TUFM: variants seen among roughly 807,000 people sequenced by gnomAD.
TUFM encodes elongation factor Tu, mitochondrial.
TUFM carries 23 observed loss-of-function variants against 45.0 expected under a neutral mutation model. The ratio of observed to expected loss-of-function variants is 0.51; its 90% CI spans 0.37 to 0.72. The LOEUF is 0.72. Ranked by LOEUF, TUFM falls within the 30% of genes least tolerant of loss-of-function variation. The pLI, the probability that TUFM is intolerant of heterozygous loss-of-function variation, is 0.00. For synonymous variants in TUFM, 243 were observed against 252.9 expected (o/e 0.96, Z 0.37); for missense variants, 490 against 610.7 (o/e 0.80, Z 2.08).
intron 1 of TUFM, 40 bp downstream of exon 1, chr16:28,846,178 A>G (rs751396410): frequency 1.9e-6 from 3 of 1,596,046 alleles, no homozygotes; most frequent in Non-Finnish European, 2.6e-6. Context: ...CACTCCCCCA[A>G]AGTGTTCCTG....
rs879340976 is a variant in TUFM, at chr16:28,843,681, C to A, written c.1194+55G>T. On this transcript the variant is annotated intron_variant, in intron 9 of 9. Transcript: ENST00000313511. ...TGTATCTTTGGAACTATGAGTGAAG[C>A]AAAGGTAATATAAAAAGTCCCCCCT... 1.9e-6 allele frequency: 3 copies of A among 1,609,540 alleles called. No homozygotes were observed. The African/African-American group carries it at 4.0e-5, about 22-fold the overall frequency.
rs761834515 is a variant in TUFM, at chr16:28,844,116, G to A, written c.923-15C>T. The A allele has an allele frequency of 1.9e-6, 3 of 1,614,194 alleles. No homozygotes were observed. Among genetic ancestry groups the A allele is most frequent in the East Asian group, 4.5e-5 (2 of 44,876 alleles). On this transcript the variant is annotated splice_polypyrimidine_tract_variant and intron_variant, in intron 7 of 9. Coordinates refer to ENST00000313511, the MANE Select transcript of TUFM (RefSeq NM_003321.5). The surrounding 1 kb of genome is among the most constrained non-coding windows in gnomAD (Gnocchi z 5.8). Reference sequence around the variant, plus strand: ...CATCTCAATGCCTAGGACGGAAAGGGAAAAGGAGCAGGGAGAAGGAAGGCG... The same window carrying A: ...CATCTCAATGCCTAGGACGGAAAGGAAAAAGGAGCAGGGAGAAGGAAGGCG...
chr16:28,846,326 A>G lies in TUFM; in HGVS notation c.-57T>C. The G allele has an allele frequency of 6.6e-7, 1 of 1,526,662 alleles. No individual in the cohort carries two copies. The highest frequency in any genetic ancestry group is 8.8e-7 in the Non-Finnish European group (1 of 1,130,392). The allele number at this position is 1,526,662 out of a possible 1,614,324, so 94.6% of individuals were successfully genotyped here. A position where few individuals can be genotyped will look rare whatever the true frequency, so the allele number is the denominator to read the frequency against. On this transcript the variant is annotated 5_prime_UTR_variant, in exon 1 of 10. Transcript: ENST00000313511. ...CAGGAGCCCGAGCGCACAGAAGAAG[A>G]AGGGCGCCTGCGGCTGGAAGGCACT...
In TUFM at chr16:28,846,290, G is replaced by A; in HGVS notation, c.-21C>T. The A allele has an allele frequency of 2.6e-6, 4 of 1,550,466 alleles. No individual in the cohort carries two copies. The highest frequency in any genetic ancestry group is 3.5e-6 in the Non-Finnish European group (4 of 1,145,870). On this transcript the variant is annotated 5_prime_UTR_variant, in exon 1 of 10. Transcript: ENST00000313511. ...GTCATACTCGCGCCCCGGTAACCGG[G>A]GAGCCGGGACCAGGAGCCCGAGCGC...
rs760192672 is a variant in TUFM, at chr16:28,845,267, C to A, written c.414+47G>T. 2.5e-6 allele frequency: 4 copies of A among 1,613,452 alleles called. No homozygotes were observed. In the East Asian group the frequency reaches 6.7e-5, roughly 27 times the overall value. ...CCCACAAGCCTAACATTTATCCTGACAAGAGGCAGCTTCTGGCCCTGTCTC... is the reference window on the plus strand; with the variant it reads ...CCCACAAGCCTAACATTTATCCTGAAAAGAGGCAGCTTCTGGCCCTGTCTC... On this transcript the variant is annotated intron_variant, in intron 3 of 9. Transcript: ENST00000313511.
Position 28,843,803 on chromosome 16 carries a change from T to C in TUFM, c.1127A>G (p.His376Arg). 6.2e-7 allele frequency: 1 copy of C among 1,614,030 alleles called. No individual in the cohort carries two copies. Among genetic ancestry groups the C allele is most frequent in the Non-Finnish European group, 8.5e-7 (1 of 1,180,012 alleles). ...CAGGGAGAACATGACAGGCATGAAG[T>C]GGGACACAAAGGGCTTGTGGCGGCC... ...EGGRHKPFVS[H>R]FMPVMFSLTW... The change falls in exon 9 of 10, where the codon CAC becomes CGC. Residue 376 changes from histidine (H) to arginine (R), a missense_variant. By Grantham distance (29) the His-to-Arg change is conservative. Transcript: ENST00000313511.
Position 28,844,474 on chromosome 16 carries a change from G to T in TUFM, c.762C>A (p.Ala254=). ...GCAGGAAAGGCTTCTCCAGGTCCCGGGCGGGCACTGGGATGTAAGTGTCCA... is the reference window on the plus strand; with the variant it reads ...GCAGGAAAGGCTTCTCCAGGTCCCGTGCGGGCACTGGGATGTAAGTGTCCA... The part of the protein sequence containing the change: ...DAVDTYIPVP[A]RDLEKPFLLP... Residue 254 remains alanine (A), a synonymous_variant, in exon 6 of 10, where the codon GCC becomes GCA. Transcript: ENST00000313511. The surrounding 1 kb of genome is among the most constrained non-coding windows in gnomAD (Gnocchi z 5.8). 1 of 1,614,152 alleles carries T rather than the reference G, an allele frequency of 6.2e-7. No homozygotes were observed. The highest frequency in any genetic ancestry group is 1.7e-5 in the Admixed American group (1 of 60,018).
chr16:28,844,822 T>G lies in TUFM; in HGVS notation c.560A>C (p.Asp187Ala). The change falls in exon 5 of 10, where the codon GAC (aspartate) becomes GCC (alanine). Residue 187 changes from aspartate to alanine, a missense_variant. Asp to Ala is a moderately radical substitution (Grantham distance 126). Transcript: ENST00000313511. This position sits in a 1 kb window ranked among gnomAD's most constrained non-coding sequence, Gnocchi z 5.8. ...CACCATCTCAGAGTCCTGGACAGCG[T>G]CAGCCTTGTTCACATACACCACCAC... ...EHVVVYVNKADAVQDSEMVEL... is the reference protein window; with the variant it reads ...EHVVVYVNKAAAVQDSEMVEL... 6.2e-7 allele frequency: 1 copy of G among 1,614,174 alleles called. No homozygotes were observed. The highest frequency in any genetic ancestry group is 8.5e-7 in the Non-Finnish European group (1 of 1,180,036).
In TUFM at chr16:28,844,559, G is replaced by C. The variant is rs753116229; in HGVS notation, c.685-8C>G. ...TAACTCAGGGTCCCGACCCTGTTGA[G>C]GGGAAGTGCCAGGACTCTGAAATCC... On this transcript the variant is annotated splice_region_variant and splice_polypyrimidine_tract_variant and intron_variant, in intron 5 of 9. Coordinates refer to ENST00000313511, the MANE Select transcript of TUFM (RefSeq NM_003321.5). This position sits in a 1 kb window ranked among gnomAD's most constrained non-coding sequence, Gnocchi z 5.8. 3 of 1,613,246 alleles carry C rather than the reference G, an allele frequency of 1.9e-6. No individual in the cohort carries two copies. The South Asian group carries it at 3.3e-5, about 18-fold the overall frequency.
Position 28,844,565 on chromosome 16 carries a change from G to C in TUFM, c.685-14C>G. ...AGGGTCCCGACCCTGTTGAGGGGAA[G>C]TGCCAGGACTCTGAAATCCCCATTC... On this transcript the variant is annotated splice_polypyrimidine_tract_variant and intron_variant, in intron 5 of 9. Coordinates refer to ENST00000313511, the MANE Select transcript of TUFM (RefSeq NM_003321.5). The surrounding 1 kb of genome is among the most constrained non-coding windows in gnomAD (Gnocchi z 5.8). The C allele has an allele frequency of 6.2e-7, 1 of 1,613,278 alleles. No individual in the cohort carries two copies. Among genetic ancestry groups the C allele is most frequent in the Non-Finnish European group, 8.5e-7 (1 of 1,179,994 alleles).
Position 28,844,216 on chromosome 16 carries a change from C to A in TUFM, c.922+14G>T. ...CTTCAGCCAGGCCCTGCTCTCCAGACTGGCTTCCCAAACCTGTCACCACAG... is the reference window on the plus strand; with the variant it reads ...CTTCAGCCAGGCCCTGCTCTCCAGAATGGCTTCCCAAACCTGTCACCACAG... On this transcript the variant is annotated intron_variant, in intron 7 of 9. Coordinates refer to ENST00000313511, the MANE Select transcript of TUFM (RefSeq NM_003321.5). This position sits in a 1 kb window ranked among gnomAD's most constrained non-coding sequence, Gnocchi z 5.8. 10 of 1,614,158 alleles carry A rather than the reference C, an allele frequency of 6.2e-6. No homozygotes were observed. Among genetic ancestry groups the A allele is most frequent in the Non-Finnish European group, 7.6e-6 (9 of 1,179,980 alleles).
intron 9 of TUFM, 44 bp downstream of exon 9, chr16:28,843,692 T>C (rs372901689): frequency 4.3e-6 from 7 of 1,611,060 alleles, no homozygotes; most frequent in African/African-American, 4.0e-5. Context: ...AAAGGTAATA[T>C]AAAAAGTCCC....
rs34283928 is a variant in TUFM at position 28,845,043 on chromosome 16, C to T, written c.427G>A (p.Gly143Ser). ...ATGCAGCCGTCGAGGGGTGCAGTGC[C>T]TGTGATCATATTCTGGAGAGGAGAA... ...HADYVKNMITGTAPLDGCILV... is the reference protein window; with the variant it reads ...HADYVKNMITSTAPLDGCILV... The change falls in exon 4 of 10, where the codon GGC (glycine) becomes AGC (serine). Residue 143 changes from glycine to serine, a missense_variant. Transcript: ENST00000313511. 311 of 1,614,028 alleles carry T rather than the reference C, an allele frequency of 1.9e-4. No homozygotes were observed. The highest frequency in any genetic ancestry group is 1.5e-4 in the Admixed American group (9 of 59,988).
In TUFM at chr16:28,844,147, G is replaced by A. The variant is rs772287808; in HGVS notation, c.923-46C>T. On this transcript the variant is annotated intron_variant, in intron 7 of 9. Coordinates refer to ENST00000313511, the MANE Select transcript of TUFM (RefSeq NM_003321.5). The surrounding 1 kb of genome is among the most constrained non-coding windows in gnomAD (Gnocchi z 5.8). ...GAGCAGGGAGAAGGAAGGCGAATGTGAGACAGAGGGAAGGCACAAGGGATC... is the reference window on the plus strand; with the variant it reads ...GAGCAGGGAGAAGGAAGGCGAATGTAAGACAGAGGGAAGGCACAAGGGATC... 6.2e-7 allele frequency: 1 copy of A among 1,613,992 alleles called. No individual in the cohort carries two copies. Among genetic ancestry groups the A allele is most frequent in the Non-Finnish European group, 8.5e-7 (1 of 1,179,840 alleles).
rs1159997762 is a variant in TUFM at position 28,845,369 on chromosome 16, G to A, written c.359C>T (p.Thr120Ile). 1.2e-6 allele frequency: 2 copies of A among 1,613,884 alleles called. No homozygotes were observed. Among genetic ancestry groups the A allele is most frequent in the African/African-American group, 2.7e-5 (2 of 74,900 alleles). The change falls in exon 3 of 10, where the codon ACT becomes ATT. Residue 120 changes from threonine to isoleucine, a missense_variant. Physicochemically the swap from Thr to Ile is moderately conservative, Grantham distance 89. Coordinates refer to ENST00000313511, the MANE Select transcript of TUFM (RefSeq NM_003321.5). The part of the protein sequence containing the change: ...TINAAHVEYS[T>I]AARHYAHTDC... ...TGTGTGGGCGTAGTGGCGGGCGGCA[G>A]TGCTATACTCCACATGAGCCGCATT...
chr16:28,843,573 A>G (rs987207676), intron 9 of TUFM, among the ~76,000 whole-genome samples, 163 bp downstream of exon 9: 2 of 151,994 alleles, frequency 1.3e-5, no homozygotes, highest in African/African-American at 2.4e-5. Flanking sequence ...CCCTAAGTCC[A>G]TGGGCCATGC....
Position 28,844,382 on chromosome 16 carries a change from G to C in TUFM, c.817+37C>G. ...ATCAGGGACCCCGAGCTAGGCTTCT[G>C]CTAGAGAGAGTGCGTGGGAACAGAC... is the stretch of plus-strand genomic sequence containing the variant. On this transcript the variant is annotated intron_variant, in intron 6 of 9. Coordinates refer to ENST00000313511, the MANE Select transcript of TUFM (RefSeq NM_003321.5). This position sits in a 1 kb window ranked among gnomAD's most constrained non-coding sequence, Gnocchi z 5.8. 6.2e-7 allele frequency: 1 copy of C among 1,614,182 alleles called. No individual in the cohort carries two copies. The highest frequency in any genetic ancestry group is 8.5e-7 in the Non-Finnish European group (1 of 1,180,026).
Position 28,843,829 on chromosome 16 carries a change from A to C in TUFM, c.1101T>G (p.Gly367=), listed in dbSNP as rs754418787. 6.8e-6 allele frequency: 11 copies of C among 1,614,024 alleles called. No individual in the cohort carries two copies. Among genetic ancestry groups the C allele is most frequent in the Non-Finnish European group, 8.5e-6 (10 of 1,180,022 alleles). ...AQVYILSKEE[G]GRHKPFVSHF... is the part of the protein sequence containing the mutation. ...GGGACACAAAGGGCTTGTGGCGGCC[A>C]CCTTCCTCCTTGCTGAGGATGTAAA... is the stretch of plus-strand genomic sequence containing the variant. Residue 367 remains glycine, a synonymous_variant, in exon 9 of 10, where the codon GGT becomes GGG. Coordinates refer to ENST00000313511, the MANE Select transcript of TUFM (RefSeq NM_003321.5).
Position 28,842,841 on chromosome 16 carries a change from G to A in TUFM, c.*134C>T. On this transcript the variant is annotated 3_prime_UTR_variant, in exon 10 of 10. Coordinates refer to ENST00000313511, the MANE Select transcript of TUFM (RefSeq NM_003321.5). ...CCCAGCCAGGCAGGCCAACCCTTCC[G>A]AGCAGGGGAAATGTCCATCTAGCTG... 9 of 1,211,916 alleles carry A rather than the reference G, an allele frequency of 7.4e-6. No homozygotes were observed. Among genetic ancestry groups the A allele is most frequent in the South Asian group, 1.2e-5 (1 of 82,056 alleles). 75.1% of individuals were successfully genotyped at this position (1,211,916 alleles called of 1,614,324 possible).
Sources: gnomAD v4.1 joint callset for allele counts (sites outside exome capture counted in the v4.1 genomes callset) on GRCh38, gnomAD v4.1.1 for gene constraint, Gnocchi (gnomAD v3.1) non-coding constraint, MANE v1.5 for transcripts, NCBI Gene and HGNC (gene_info 2026-07-23, HGNC 2026-07-21) for gene names.